KCNQ5: variants seen among roughly 807,000 people sequenced by gnomAD.
The protein encoded by KCNQ5 is potassium voltage-gated channel subfamily KQT member 5.
KCNQ5 carries 30 observed loss-of-function variants against 98.2 expected under a neutral mutation model. That is an observed-to-expected ratio of 0.31 (90% CI 0.23 to 0.41). KCNQ5 has a LOEUF of 0.41. KCNQ5 is among the 10% of genes least tolerant of loss of function. The pLI, the probability that KCNQ5 is intolerant of heterozygous loss-of-function variation, is 1.00. For synonymous variants in KCNQ5, 458 were observed against 449.4 expected (o/e 1.02, Z -0.24); for missense variants, 835 against 1,182.5 (o/e 0.71, Z 4.31).
At chr6:73,177,576 A>AG (rs1778258026) in intron 11 of KCNQ5, among the ~76,000 whole-genome samples, 1 of 152,212 alleles carries the variant, frequency 6.6e-6, no homozygotes, top group African/African-American at 2.4e-5. Flanking sequence ...TTCATATTTC[A>AG]GGCAAGAATA....
intron 1 of KCNQ5, among the ~76,000 whole-genome samples, chr6:72,874,048 A>T (rs1209105720): frequency 5.3e-5 from 8 of 151,852 alleles, no homozygotes; most frequent in Admixed American, 5.2e-4. Context: ...ATTTATATTT[A>T]TATTTCTAAA....
chr6:72,790,745 G>A (rs1361354304), intron 1 of KCNQ5, among the ~76,000 whole-genome samples: 5 of 152,012 alleles, frequency 3.3e-5, no homozygotes, highest in Non-Finnish European at 7.4e-5. Flanking sequence ...GGAAAAACTT[G>A]GATAAATGTT....
In KCNQ5 at chr6:72,898,482, A is replaced by C. The variant is rs548182335; in HGVS notation, c.399-105426A>C. On this transcript the variant is annotated intron_variant, in intron 1 of 13. Coordinates refer to ENST00000370398, the MANE Select transcript of KCNQ5 (RefSeq NM_019842.4). ...AGAATGATGGCTTCCAGCTTCATCTATGTCTCTGCAAAGGACATGATCTCA... is the reference window on the plus strand; with the variant it reads ...AGAATGATGGCTTCCAGCTTCATCTCTGTCTCTGCAAAGGACATGATCTCA... Among the ~76,000 whole-genome samples the C allele has an allele frequency of 2.0e-5, 3 of 152,080 alleles. No homozygotes were observed. In the South Asian group the frequency reaches 6.2e-4, roughly 32 times the overall value.
intron 1 of KCNQ5, chr6:72,630,350 G>T (rs1159461555): frequency 6.6e-6 from 1 of 152,160 alleles, no homozygotes; most frequent in East Asian, 1.9e-4. Flanking sequence ...GGTAATTCTA[G>T]AATCCCTATT....
chr6:73,042,607 C>A (rs1478122656), intron 3 of KCNQ5, among the ~76,000 whole-genome samples: 2 of 152,080 alleles, frequency 1.3e-5, no homozygotes, highest in African/African-American at 4.8e-5. Context: ...GCATTGGTAA[C>A]TGTAGACTGG....
intron 3 of KCNQ5, 70 bp downstream of exon 3, chr6:73,042,132 A>T: frequency 6.4e-7 from 1 of 1,563,926 alleles, no homozygotes; most frequent in African/African-American, 1.4e-5. Context: ...CTGTTTTGCA[A>T]TATTTGATTA....
intron 2 of KCNQ5, among the ~76,000 whole-genome samples, chr6:73,033,123 G>C (rs1472219716): frequency 1.3e-5 from 2 of 152,044 alleles, no homozygotes; most frequent in Admixed American, 1.3e-4. Flanking sequence ...CTAGTAACTG[G>C]GATGCATAGG....
intron 1 of KCNQ5, among the ~76,000 whole-genome samples, chr6:72,684,647 C>T (rs536419463): frequency 2.0e-4 from 30 of 152,300 alleles, no homozygotes; most frequent in Non-Finnish European, 3.8e-4. Context: ...TTTTCATGCA[C>T]TTGGAATGGG....
intron 13 of KCNQ5, among the ~76,000 whole-genome samples, 193 bp from the exon 14 acceptor site, chr6:73,194,259 C>T (rs1339566072): frequency 6.6e-6 from 1 of 152,194 alleles, no homozygotes; most frequent in Non-Finnish European, 1.5e-5. Context: ...GTGTCCCTCT[C>T]TTCCTAAGTC....
At chr6:73,142,025 G>A (rs1776734538) in intron 10 of KCNQ5, among the ~76,000 whole-genome samples, 1 of 152,172 alleles carries the variant, frequency 6.6e-6, no homozygotes, top group South Asian at 2.1e-4. Flanking sequence ...AAGCTCAACT[G>A]AGCATTTGCT....
chr6:73,107,265 C>A (rs566345668), intron 6 of KCNQ5, among the ~76,000 whole-genome samples: 108 of 152,310 alleles, frequency 7.1e-4, no homozygotes, highest in African/African-American at 2.4e-3. Context: ...TATGTTCTGT[C>A]CTCATAGGAG....
chr6:73,163,002 G>A (rs1004523491), intron 10 of KCNQ5, among the ~76,000 whole-genome samples: 1 of 152,210 alleles, frequency 6.6e-6, no homozygotes, highest in Non-Finnish European at 1.5e-5. Context: ...GCCCTCTGCT[G>A]CCAGGATGGG....
rs993511653 is a variant in KCNQ5, at chr6:72,722,993, G to A, written c.398+100406G>A. ...GCTTCCCAAGCAGCTAGGACTACAG[G>A]TGTGTGCTACTACACCCAGCTAATT... On this transcript the variant is annotated intron_variant, in intron 1 of 13. Transcript: ENST00000370398. 6.5e-4 allele frequency among the ~76,000 whole-genome samples: 98 copies of A among 151,872 alleles called. 1 individual carries two copies. Among genetic ancestry groups the A allele is most frequent in the East Asian group, 1.9e-3 (10 of 5,156 alleles).
chr6:72,919,154 C>T (rs149688394), intron 1 of KCNQ5, among the ~76,000 whole-genome samples: 220 of 152,226 alleles, frequency 1.4e-3, no homozygotes, highest in African/African-American at 4.9e-3. Context: ...AACCAATGGA[C>T]GAGGTGGCCT....
intron 1 of KCNQ5, among the ~76,000 whole-genome samples, chr6:72,937,146 G>T (rs1422835799): frequency 6.6e-6 from 1 of 152,142 alleles, no homozygotes; most frequent in East Asian, 1.9e-4. Context: ...TACAAATAAT[G>T]CTCTATAAAA....
At chr6:72,982,487 CTTTTTTTTTT>C (rs141947372) in intron 1 of KCNQ5, among the ~76,000 whole-genome samples, 1 of 60,260 alleles carries the variant, frequency 1.7e-5, no homozygotes, top group African/African-American at 7.3e-5. Flanking sequence ...GCAACCCCTG[CTTTTTTTTTT>C]TTTTTTTTTT....
intron 5 of KCNQ5, among the ~76,000 whole-genome samples, chr6:73,080,725 T>G (rs1012591268): frequency 2.0e-5 from 3 of 152,120 alleles, no homozygotes; most frequent in African/African-American, 7.2e-5. Context: ...TGTTACACTT[T>G]GATGAAAAAA....
At chr6:72,923,555 C>A (rs373839364) in intron 1 of KCNQ5, among the ~76,000 whole-genome samples, 1 of 152,056 alleles carries the variant, frequency 6.6e-6, no homozygotes, top group African/African-American at 2.4e-5. Flanking sequence ...TTTTTTAATC[C>A]TTTGCCCATT....
At chr6:72,628,050 A>G (rs913615078) in intron 1 of KCNQ5, among the ~76,000 whole-genome samples, 1 of 152,294 alleles carries the variant, frequency 6.6e-6, no homozygotes, top group East Asian at 1.9e-4. Flanking sequence ...CATGACAGCA[A>G]GCTTCCATAC....
Sources: gnomAD v4.1 joint callset for allele counts (sites outside exome capture counted in the v4.1 genomes callset) on GRCh38, gnomAD v4.1.1 for gene constraint, MANE v1.5 for transcripts, NCBI Gene and HGNC (gene_info 2026-07-23, HGNC 2026-07-21) for gene names.